ZNF461: variants seen among roughly 807,000 people sequenced by gnomAD.
ZNF461 encodes gonadotropin-inducible ovarian transcription factor-1.
Under a neutral mutation model 18.3 loss-of-function variants are expected in ZNF461, and 16 were observed. The observed-to-expected ratio is 0.88, with a 90% CI of 0.59 to 1.33. The LOEUF is 1.33. Ranked by LOEUF, ZNF461 falls within the 40% of genes most tolerant of loss-of-function variation. The pLI is 0.00. For missense variants in ZNF461, 595 were observed against 669.9 expected (o/e 0.89, Z 1.23); for synonymous variants, 179 against 216.9 (o/e 0.83, Z 1.54).
In ZNF461 at chr19:36,639,671, G is replaced by T. The variant is rs1196528289; in HGVS notation, c.674C>A (p.Thr225Lys). 6.2e-7 allele frequency: 1 copy of T among 1,613,720 alleles called. No homozygotes were observed. The highest frequency in any genetic ancestry group is 8.5e-7 in the Non-Finnish European group (1 of 1,179,820). ...SKELSECKEC[T>K]EIVNTPCLFK... is the part of the protein sequence containing the mutation. ...AAGGCATGGTGTATTAACAATTTCT[G>T]TGCATTCTTTACATTCAGAAAGTTC... The change falls in exon 6 of 6, where the codon ACA becomes AAA. Residue 225 changes from threonine (T) to lysine (K), a missense_variant. By Grantham distance (78) the Thr-to-Lys change is moderately conservative (BLOSUM62 -1). Transcript: ENST00000588268.
chr19:36,658,259 A>C, intron 3 of ZNF461, 40 bp downstream of exon 3: 1 of 1,569,552 alleles, frequency 6.4e-7, no homozygotes, highest in Non-Finnish European at 8.7e-7. Flanking sequence ...TGTTAGCGGA[A>C]TTCTGAATTG....
chr19:36,666,583 C>T (rs1351377274), intron 1 of ZNF461, 107 bp downstream of exon 1: 1 of 152,744 alleles, frequency 6.5e-6, no homozygotes, highest in African/African-American at 2.4e-5. Flanking sequence ...AGAAACCCTA[C>T]TTCCTCACGC....
intron 4 of ZNF461, among the ~76,000 whole-genome samples, chr19:36,644,415 T>C (rs2037484836): frequency 6.7e-6 from 1 of 150,050 alleles, no homozygotes; most frequent in African/African-American, 2.5e-5. Flanking sequence ...ATTACAGGCG[T>C]GAACCACCGC....
chr19:36,664,685 A>C lies in ZNF461; in HGVS notation c.9+13T>G, dbSNP rs772631944. The stretch of plus-strand genomic sequence containing the variant: ...CAAGTATTGTAATTAGGAGCAAGAA[A>C]AAACCAACTTACATGGGCCATGTCT... On this transcript the variant is annotated intron_variant, in intron 2 of 5. Coordinates refer to ENST00000588268, the MANE Select transcript of ZNF461 (RefSeq NM_153257.5). The C allele has an allele frequency of 6.6e-7, 1 of 1,525,192 alleles. No homozygotes were observed. The highest frequency in any genetic ancestry group is 8.7e-7 in the Non-Finnish European group (1 of 1,144,548). The allele number at this position is 1,525,192 out of a possible 1,614,324, so 94.5% of individuals were successfully genotyped here.
rs148836665 is a variant in ZNF461, at chr19:36,647,615, G to A, written c.233-3753C>T. Among the ~76,000 whole-genome samples the A allele has an allele frequency of 1.7e-3, 255 of 152,112 alleles. 2 individuals carry two copies. The highest frequency in any genetic ancestry group is 5.8e-3 in the African/African-American group (239 of 41,498). On this transcript the variant is annotated intron_variant, in intron 4 of 5. Coordinates refer to ENST00000588268, the MANE Select transcript of ZNF461 (RefSeq NM_153257.5). ...TTCAATTTACTTTCAATTCTTTTGC[G>A]TATATACCTAGAAGTAGAATTGCTT...
chr19:36,652,720 A>G (rs2037650999), intron 4 of ZNF461, among the ~76,000 whole-genome samples: 1 of 152,128 alleles, frequency 6.6e-6, no homozygotes, highest in Admixed American at 6.6e-5. Context: ...AAGACAAATT[A>G]CAGGGCAACC....
At chr19:36,663,705 T>A (rs1676580378) in intron 2 of ZNF461, among the ~76,000 whole-genome samples, 1 of 151,816 alleles carries the variant, frequency 6.6e-6, no homozygotes, top group Non-Finnish European at 1.5e-5. Flanking sequence ...AACACAAATT[T>A]TTTTTGTAGA....
chr19:36,639,687 C>T lies in ZNF461; in HGVS notation c.658G>A (p.Glu220Lys), dbSNP rs760172480. Reference sequence around the variant, plus strand: ...ACAATTTCTGTGCATTCTTTACATTCAGAAAGTTCTTTAGAATGAGTTCTT... The same window carrying T: ...ACAATTTCTGTGCATTCTTTACATTTAGAAAGTTCTTTAGAATGAGTTCTT... ...HKRTHSKELS[E>K]CKECTEIVNT... is the part of the protein sequence containing the mutation. Residue 220 changes from glutamate to lysine, a missense_variant, in exon 6 of 6, where the codon GAA becomes AAA. By Grantham distance (56) the Glu-to-Lys change is moderately conservative. Coordinates refer to ENST00000588268, the MANE Select transcript of ZNF461 (RefSeq NM_153257.5). The T allele has an allele frequency of 1.9e-6, 3 of 1,613,704 alleles. No individual in the cohort carries two copies. Among genetic ancestry groups the T allele is most frequent in the African/African-American group, 2.7e-5 (2 of 74,934 alleles).
intron 4 of ZNF461, among the ~76,000 whole-genome samples, chr19:36,650,818 T>A (rs1165328845): frequency 1.4e-5 from 2 of 147,826 alleles, no homozygotes; most frequent in African/African-American, 5.0e-5. Context: ...TATATAAATA[T>A]GATAAATAAG....
chr19:36,651,770 G>T (rs2145392932), intron 4 of ZNF461, among the ~76,000 whole-genome samples: 1 of 152,284 alleles, frequency 6.6e-6, no homozygotes, highest in East Asian at 1.9e-4. Flanking sequence ...TCATCTATAG[G>T]CTTAACACAA....
chr19:36,663,979 C>A (rs1431331720), intron 2 of ZNF461, among the ~76,000 whole-genome samples: 1 of 152,076 alleles, frequency 6.6e-6, no homozygotes, highest in East Asian at 1.9e-4. Context: ...TTTTTTTCCC[C>A]ACTGATTTAT....
At chr19:36,650,958 G>A (rs1040950781) in intron 4 of ZNF461, among the ~76,000 whole-genome samples, 5 of 151,218 alleles carry the variant, frequency 3.3e-5, no homozygotes, top group African/African-American at 9.7e-5. Context: ...CTGGCCGGGC[G>A]TGGTGTCTCA....
At chr19:36,642,967 C>T (rs1435957228) in intron 5 of ZNF461, among the ~76,000 whole-genome samples, 1 of 151,976 alleles carries the variant, frequency 6.6e-6, no homozygotes, top group Non-Finnish European at 1.5e-5. Flanking sequence ...TGGGGTTTCA[C>T]CATGCTGGCC....
chr19:36,640,539 T>A (rs1314588458), intron 5 of ZNF461, among the ~76,000 whole-genome samples: 1 of 152,232 alleles, frequency 6.6e-6, no homozygotes, highest in Non-Finnish European at 1.5e-5. Flanking sequence ...CTTTCACAGC[T>A]GAGAATGCCA....
Position 36,638,701 on chromosome 19 carries a change from C to G in ZNF461, c.1644G>C (p.Lys548Asn), listed in dbSNP as rs764666981. 6.8e-6 allele frequency: 11 copies of G among 1,613,560 alleles called. No homozygotes were observed. The South Asian group carries it at 1.1e-4, about 16-fold the overall frequency. ...NLHQTLHTGE[K>N]PVRFPLLPPH... ...GAGGGAGGAGAGGAAACCTGACTGG[C>G]TTCTCGCCAGTATGAAGAGTCTGAT... The change falls in exon 6 of 6, where the codon AAG becomes AAC. Residue 548 changes from lysine to asparagine, a missense_variant. Coordinates refer to ENST00000588268, the MANE Select transcript of ZNF461 (RefSeq NM_153257.5).
At chr19:36,646,029 C>T (rs935354793) in intron 4 of ZNF461, among the ~76,000 whole-genome samples, 4 of 151,748 alleles carry the variant, frequency 2.6e-5, no homozygotes, top group Admixed American at 1.3e-4. Context: ...ATGATCCACC[C>T]GCCTCAGCCT....
chr19:36,642,561 G>A (rs913321057), intron 5 of ZNF461, among the ~76,000 whole-genome samples: 2 of 152,052 alleles, frequency 1.3e-5, no homozygotes, highest in Non-Finnish European at 2.9e-5. Context: ...GGGCATATGA[G>A]CATATGCCAG....
At chr19:36,651,679 A>G (rs1165422048) in intron 4 of ZNF461, among the ~76,000 whole-genome samples, 1 of 152,252 alleles carries the variant, frequency 6.6e-6, no homozygotes, top group Non-Finnish European at 1.5e-5. Context: ...AAAAGAAATC[A>G]AGGAAAACAA....
At chr19:36,662,659 C>G (rs1481498970) in intron 2 of ZNF461, among the ~76,000 whole-genome samples, 1 of 152,092 alleles carries the variant, frequency 6.6e-6, no homozygotes, top group Non-Finnish European at 1.5e-5. Context: ...CCTCTTTGTT[C>G]CCATACTTAT....
Sources: allele counts gnomAD v4.1 joint callset (sites outside exome capture counted in the v4.1 genomes callset), GRCh38; gene constraint gnomAD v4.1.1; transcripts MANE v1.5; gene names NCBI Gene and HGNC (gene_info 2026-07-23, HGNC 2026-07-21).